CCDC12: variants seen among roughly 807,000 people sequenced by gnomAD.
CCDC12 encodes the protein coiled-coil domain containing 12, also known as coiled-coil domain-containing protein 12.
In CCDC12, 28 loss-of-function variants were observed where a neutral mutation model predicts 25.7. That is an observed-to-expected ratio of 1.09 (90% CI 0.81 to 1.50). CCDC12 has a LOEUF of 1.50. CCDC12 is among the 40% of genes most tolerant of loss of function. The pLI, the probability that CCDC12 is intolerant of heterozygous loss-of-function variation, is 0.00. For missense variants in CCDC12, 198 were observed against 210.0 expected (o/e 0.94, Z 0.35); for synonymous variants, 75 against 87.7 (o/e 0.86, Z 0.81).
chr3:46,966,204 T>G, intron 1 of CCDC12: 2 of 152,016 alleles, frequency 1.3e-5, no homozygotes, highest in Admixed American at 6.6e-5. Flanking sequence ...GCTCCCAGGT[T>G]GAAAAAAGAA....
At chr3:46,964,344 C>T (rs1420748722) in intron 1 of CCDC12, among the ~76,000 whole-genome samples, 3 of 147,198 alleles carry the variant, frequency 2.0e-5, no homozygotes, top group Non-Finnish European at 4.5e-5. Flanking sequence ...GGGTCAGCCC[C>T]CGCCCGGCCA....
At chr3:46,972,654 C>T (rs1159067108) in intron 1 of CCDC12, among the ~76,000 whole-genome samples, 1 of 151,842 alleles carries the variant, frequency 6.6e-6, no homozygotes. Flanking sequence ...AAGAAGATGG[C>T]TGGGCTTGGT....
intron 2 of CCDC12, among the ~76,000 whole-genome samples, chr3:46,935,228 G>C (rs1373219606): frequency 6.6e-6 from 1 of 152,232 alleles, no homozygotes; most frequent in African/African-American, 2.4e-5. Flanking sequence ...TTTTCCAGCT[G>C]TGTGCAGACC....
chr3:46,954,416 C>T (rs569677088), intron 1 of CCDC12, among the ~76,000 whole-genome samples: 5 of 152,282 alleles, frequency 3.3e-5, no homozygotes, highest in South Asian at 4.1e-4. Flanking sequence ...GTAAATGATA[C>T]CCTTTCGCCT....
Position 46,957,960 on chromosome 3 carries a change from TACACACACAC to T in CCDC12, c.97-16905_97-16896del, listed in dbSNP as rs367926661. Reference sequence around the variant, plus strand: ...TCCATCTCAAAAATAAAAAAATAAATACACACACACACACACACACACACACACACACACA... The same window carrying T: ...TCCATCTCAAAAATAAAAAAATAAATACACACACACACACACACACACACA... On this transcript the variant is annotated intron_variant, in intron 1 of 6. Coordinates refer to ENST00000683445, the MANE Select transcript of CCDC12 (RefSeq NM_001277074.2). Among the ~76,000 whole-genome samples, 145 of 64,770 alleles carry T rather than the reference TACACACACAC, an allele frequency of 2.2e-3. 3 individuals carry two copies. The South Asian group carries it at 0.071, about 32-fold the overall frequency. 42.5% of individuals were successfully genotyped at this position (64,770 alleles called of 152,430 possible).
intron 2 of CCDC12, among the ~76,000 whole-genome samples, chr3:46,931,326 G>A (rs978765273): frequency 1.3e-5 from 2 of 152,172 alleles, no homozygotes; most frequent in Non-Finnish European, 2.9e-5. Context: ...TTTCACATGT[G>A]CCAATGAGAG....
chr3:46,922,688 G>A lies in CCDC12; in HGVS notation c.342-376C>T, dbSNP rs371083849. 4.7e-5 allele frequency: 16 copies of A among 337,000 alleles called. No individual in the cohort carries two copies. The East Asian group carries it at 5.7e-4, about 12-fold the overall frequency. The allele number at this position is 337,000 out of a possible 1,614,324, so 20.9% of individuals were successfully genotyped here. Reference sequence around the variant, plus strand: ...CAGCCACCGGCCCAGCCCCTCCACTGTGGGCACCCAGAAGTGCACAAGCAC... The same window carrying A: ...CAGCCACCGGCCCAGCCCCTCCACTATGGGCACCCAGAAGTGCACAAGCAC... On this transcript the variant is annotated intron_variant, in intron 5 of 6. Transcript: ENST00000683445.
At chr3:46,976,489 G>A (rs1255002811) in intron 1 of CCDC12, 148 bp downstream of exon 1, 18 of 1,435,690 alleles carry the variant, frequency 1.3e-5, no homozygotes, top group South Asian at 1.5e-5. Context: ...ATCGTGGGAG[G>A]GCGCCGTCTT....
chr3:46,951,245 T>C (rs1575553898), intron 1 of CCDC12, among the ~76,000 whole-genome samples: 1 of 152,038 alleles, frequency 6.6e-6, no homozygotes, highest in Admixed American at 6.6e-5. Context: ...AAAGTGAAGA[T>C]GTTGGGCAAA....
intron 4 of CCDC12, 39 bp from the exon 5 acceptor site, chr3:46,923,402 A>C (rs1200456822): frequency 6.5e-7 from 1 of 1,534,924 alleles, no homozygotes; most frequent in Admixed American, 1.9e-5. Context: ...TGGAGGGGCC[A>C]CCCCAGGACA....
upstream of CCDC12, chr3:46,976,967 A>G: frequency 3.4e-5 from 20 of 585,964 alleles, no homozygotes; most frequent in South Asian, 7.5e-5. Context: ...CAAAAAAAAA[A>G]AAGAAAAAAA....
upstream of CCDC12, chr3:46,979,912 G>C: frequency 2.4e-6 from 1 of 415,390 alleles, no homozygotes; most frequent in Non-Finnish European, 4.3e-6. Context: ...ACTACGCGCA[G>C]GTGAGCCCGC....
At chr3:46,951,837 A>T (rs1311843828) in intron 1 of CCDC12, among the ~76,000 whole-genome samples, 1 of 120,470 alleles carries the variant, frequency 8.3e-6, no homozygotes, top group Non-Finnish European at 1.7e-5. Context: ...AATGAGGATC[A>T]AATTAACAAT....
At chr3:46,964,001 AG>A (rs1195164169) in intron 1 of CCDC12, among the ~76,000 whole-genome samples, 1 of 147,944 alleles carries the variant, frequency 6.8e-6, no homozygotes, top group Non-Finnish European at 1.5e-5. Flanking sequence ...CATCCCATCT[AG>A]GAAGTGAGGA....
At chr3:46,981,500 T>G (rs1215215309), upstream of CCDC12, among the ~76,000 whole-genome samples, 1 of 152,172 alleles carries the variant, frequency 6.6e-6, no homozygotes, top group Non-Finnish European at 1.5e-5. Flanking sequence ...CTTCCTGGAC[T>G]CTGTGGAGAG....
At chr3:46,944,597 T>C (rs1193552564) in intron 1 of CCDC12, among the ~76,000 whole-genome samples, 2 of 151,816 alleles carry the variant, frequency 1.3e-5, no homozygotes, top group Admixed American at 1.3e-4. Context: ...ATCTTCTCCC[T>C]CCTTCCCAAT....
At chr3:46,942,628 G>A (rs1234521221) in intron 1 of CCDC12, among the ~76,000 whole-genome samples, 1 of 152,234 alleles carries the variant, frequency 6.6e-6, no homozygotes, top group African/African-American at 2.4e-5. Context: ...CCGGGGAGCA[G>A]ACTACCAAAA....
rs547019907 is a variant in CCDC12 at position 46,949,091 on chromosome 3, G to A, written c.97-8026C>T. Reference sequence around the variant, plus strand: ...GAAACACAGGCGAGTGTGAGAAGGTGAATCTTAGTGGATGAGAAATCTGGA... The same window carrying A: ...GAAACACAGGCGAGTGTGAGAAGGTAAATCTTAGTGGATGAGAAATCTGGA... On this transcript the variant is annotated intron_variant, in intron 1 of 6. Coordinates refer to ENST00000683445, the MANE Select transcript of CCDC12 (RefSeq NM_001277074.2). Among the ~76,000 whole-genome samples, 13 of 152,342 alleles carry A rather than the reference G, an allele frequency of 8.5e-5. No individual in the cohort carries two copies. In the South Asian group the frequency reaches 2.7e-3, roughly 32 times the overall value.
At chr3:46,976,609 A>G (rs1465805773) in intron 1 of CCDC12, 28 bp downstream of exon 1, 1 of 1,599,622 alleles carries the variant, frequency 6.3e-7, no homozygotes, top group African/African-American at 1.3e-5. Flanking sequence ...GGACGCCTCA[A>G]CTGCGACCCT....
Sources: gnomAD v4.1 joint callset for allele counts (sites outside exome capture counted in the v4.1 genomes callset) on GRCh38, gnomAD v4.1.1 for gene constraint, MANE v1.5 for transcripts, NCBI Gene and HGNC (gene_info 2026-07-23, HGNC 2026-07-21) for gene names.